USP48: variants seen among roughly 807,000 people sequenced by gnomAD.
The protein encoded by USP48 is ubiquitin specific peptidase 48, also known as ubiquitin carboxyl-terminal hydrolase 48.
USP48 carries 43 observed loss-of-function variants against 150.7 expected under a neutral mutation model. The observed-to-expected ratio is 0.29, with a 90% CI of 0.22 to 0.37. USP48 has a LOEUF of 0.37. USP48 is among the 10% of genes least tolerant of loss of function. USP48 has a pLI of 1.00. For missense variants in USP48, 813 were observed against 1,249.6 expected, an observed-to-expected ratio of 0.65 and a Z score of 5.27; for synonymous variants, 396 against 425.9, an observed-to-expected ratio of 0.93 and a Z score of 0.86.
chr1:21,763,099 A>G (rs1361286691), intron 1 of USP48, among the ~76,000 whole-genome samples: 2 of 152,184 alleles, frequency 1.3e-5, no homozygotes, highest in African/African-American at 4.8e-5. Context: ...CAAAAGGCAA[A>G]CACAACCTAT....
At chr1:21,755,574 A>G (rs1423338841) in intron 3 of USP48, among the ~76,000 whole-genome samples, 1 of 151,998 alleles carries the variant, frequency 6.6e-6, no homozygotes, top group Admixed American at 6.5e-5. Context: ...AACAATAAAA[A>G]AAAACCTTTT....
chr1:21,768,840 C>T (rs964775746), intron 1 of USP48, among the ~76,000 whole-genome samples: 5 of 152,014 alleles, frequency 3.3e-5, no homozygotes, highest in Non-Finnish European at 7.4e-5. Flanking sequence ...TGTTCTGTTG[C>T]CCAGGCTGTG....
chr1:21,697,772 C>CA (rs1386368212), intron 22 of USP48, among the ~76,000 whole-genome samples: 1 of 151,306 alleles, frequency 6.6e-6, no homozygotes, highest in African/African-American at 2.4e-5. Flanking sequence ...TTTAGAAGTA[C>CA]AAAACACAAC....
chr1:21,717,097 T>C (rs2097706655), intron 14 of USP48, among the ~76,000 whole-genome samples: 2 of 151,570 alleles, frequency 1.3e-5, no homozygotes, highest in Non-Finnish European at 2.9e-5. Flanking sequence ...AAATATCTAC[T>C]AATCATTCAA....
At chr1:21,779,014 C>T (rs1023082965) in intron 1 of USP48, among the ~76,000 whole-genome samples, 2 of 151,938 alleles carry the variant, frequency 1.3e-5, no homozygotes, top group African/African-American at 4.8e-5. Context: ...ATCTCCTGAC[C>T]TCGTGATCCG....
chr1:21,781,859 G>GT (rs1249965353), intron 1 of USP48: 2 of 152,216 alleles, frequency 1.3e-5, no homozygotes, highest in Non-Finnish European at 2.9e-5. Context: ...AGAACTTACT[G>GT]TTAAAGTCAG....
intron 8 of USP48, among the ~76,000 whole-genome samples, chr1:21,737,306 T>TAAAAAC (rs2097770873): frequency 6.6e-6 from 1 of 151,968 alleles, no homozygotes; most frequent in East Asian, 1.9e-4. Flanking sequence ...AAAATAAAAA[T>TAAAAAC]AAAAACAGGT....
rs1338137294 is a variant in USP48 at position 21,747,174 on chromosome 1, A to T, written c.909-25T>A. On this transcript the variant is annotated intron_variant, in intron 7 of 26. Transcript: ENST00000308271. Reference sequence around the variant, plus strand: ...CCTAACCAAGAGGAAAGCTGATTATATTTACATTTAAAACAATCATAATAC... The same window carrying T: ...CCTAACCAAGAGGAAAGCTGATTATTTTTACATTTAAAACAATCATAATAC... The T allele has an allele frequency of 2.0e-6, 3 of 1,528,670 alleles. No individual in the cohort carries two copies. The Admixed American group carries it at 5.3e-5, about 27-fold the overall frequency. 94.7% of individuals were successfully genotyped at this position (1,528,670 alleles called of 1,614,324 possible). A position where few individuals can be genotyped will look rare whatever the true frequency, so the allele number is the denominator to read the frequency against.
At chr1:21,774,703 A>G (rs1237705122) in intron 1 of USP48, among the ~76,000 whole-genome samples, 4 of 151,650 alleles carry the variant, frequency 2.6e-5, no homozygotes, top group Non-Finnish European at 1.5e-5. Context: ...ACAAACGAAA[A>G]AAGAATAGCC....
At chr1:21,772,417 A>G (rs1298913253) in intron 1 of USP48, among the ~76,000 whole-genome samples, 1 of 150,542 alleles carries the variant, frequency 6.6e-6, no homozygotes, top group Non-Finnish European at 1.5e-5. Flanking sequence ...AGGTCAGGAG[A>G]TTGAGACCAT....
chr1:21,733,416 C>T (rs1373413810), intron 9 of USP48, among the ~76,000 whole-genome samples: 1 of 149,868 alleles, frequency 6.7e-6, no homozygotes, highest in African/African-American at 2.5e-5. Context: ...GACTCTGTCT[C>T]AAAACAAAAA....
chr1:21,746,960 T>C (rs1004967847), intron 8 of USP48, 107 bp downstream of exon 8: 1 of 825,256 alleles, frequency 1.2e-6, no homozygotes, highest in African/African-American at 1.8e-5. Flanking sequence ...AGAGAGAGAT[T>C]AGCAAACAAA....
At chr1:21,721,787 G>A in intron 12 of USP48, 23 bp from the exon 13 acceptor site, 1 of 1,455,774 alleles carries the variant, frequency 6.9e-7, no homozygotes, top group Non-Finnish European at 9.4e-7. Flanking sequence ...AAGAATGAAA[G>A]GAAATATATT....
chr1:21,756,282 A>G (rs2152602394), intron 3 of USP48, among the ~76,000 whole-genome samples: 1 of 151,774 alleles, frequency 6.6e-6, no homozygotes, highest in Non-Finnish European at 1.5e-5. Context: ...GGAGTTCGAG[A>G]CTAGCCTGGC....
In USP48 at chr1:21,729,798, C is replaced by T; in HGVS notation, c.1206G>A (p.Lys402=). The part of the protein sequence containing the change: ...EPSKSQTRKP[K]CGKGTHCSRN... ...GAGAGCAATGAGTTCCTTTGCCACA[C>T]TTGGGTTTACGTGTCTGAGACTTAG... The change falls in exon 10 of 27, where the codon AAG becomes AAA. Residue 402 remains lysine (K), a synonymous_variant. Transcript: ENST00000308271. 6.2e-7 allele frequency: 1 copy of T among 1,614,112 alleles called. No individual in the cohort carries two copies. The highest frequency in any genetic ancestry group is 8.5e-7 in the Non-Finnish European group (1 of 1,179,992).
intron 5 of USP48, among the ~76,000 whole-genome samples, chr1:21,752,218 A>G (rs2097817881): frequency 6.6e-6 from 1 of 152,118 alleles, no homozygotes; most frequent in South Asian, 2.1e-4. Context: ...TTTTTTTAAC[A>G]GGCATTTTAC....
chr1:21,763,552 G>A (rs1001078337), intron 1 of USP48, among the ~76,000 whole-genome samples: 4 of 152,306 alleles, frequency 2.6e-5, no homozygotes, highest in East Asian at 1.9e-4. Flanking sequence ...AGTGGCTCAC[G>A]CCTATAATCC....
chr1:21,678,446 T>C lies in USP48; in HGVS notation c.*971A>G, dbSNP rs973368181. On this transcript the variant is annotated 3_prime_UTR_variant, in exon 27 of 27. Coordinates refer to ENST00000308271, the MANE Select transcript of USP48 (RefSeq NM_032236.8). ...TATACTTTTTTCCTTTTTTAAACAA[T>C]GATCTAAGAGACCCTCTCAGGGCAT... is the stretch of plus-strand genomic sequence containing the variant. 18 of 152,234 alleles carry C rather than the reference T, an allele frequency of 1.2e-4. No individual in the cohort carries two copies. The highest frequency in any genetic ancestry group is 4.1e-4 in the African/African-American group (17 of 41,544). 9.4% of individuals were successfully genotyped at this position (152,234 alleles called of 1,614,324 possible).
chr1:21,778,137 C>T (rs570942423), intron 1 of USP48, among the ~76,000 whole-genome samples: 2 of 148,590 alleles, frequency 1.3e-5, no homozygotes, highest in Admixed American at 6.7e-5. Flanking sequence ...AGTGAGACTC[C>T]GTCTGAAAAA....
Sources: gnomAD v4.1 joint callset for allele counts (sites outside exome capture counted in the v4.1 genomes callset) on GRCh38, gnomAD v4.1.1 for gene constraint, MANE v1.5 for transcripts, NCBI Gene and HGNC (gene_info 2026-07-23, HGNC 2026-07-21) for gene names.